STAG3: variants seen among roughly 807,000 people sequenced by gnomAD.
STAG3 encodes STAG3 cohesin complex component.
STAG3 carries 101 observed loss-of-function variants against 160.7 expected under a neutral mutation model. The observed-to-expected ratio is 0.63, with a 90% confidence interval of 0.54 to 0.74. The LOEUF is 0.74. STAG3 is among the 30% of genes least tolerant of loss of function. The pLI is 0.00. For missense variants in STAG3, 1,188 were observed against 1,517.4 expected (o/e 0.78, Z 3.61); for synonymous variants, 519 against 585.0 (o/e 0.89, Z 1.63).
At chr7:100,178,723 C>T (rs1464914346) in intron 1 of STAG3, among the ~76,000 whole-genome samples, 3 of 151,944 alleles carry the variant, frequency 2.0e-5, no homozygotes, top group African/African-American at 7.3e-5. Flanking sequence ...CTGTGCACCA[C>T]GCCTCGGCTT....
rs1180352090 is a variant in STAG3 at position 100,207,837 on chromosome 7, C to T, written c.3238+2453C>T. The stretch of plus-strand genomic sequence containing the variant: ...TTTCTTCTAAGAGTTATAGTTTTAG[C>T]CGGGCATGGTGGCTCACGCCTGTAA... On this transcript the variant is annotated intron_variant, in intron 29 of 33. Coordinates refer to ENST00000615138, the MANE Select transcript of STAG3 (RefSeq NM_001282717.2). The surrounding 1 kb of genome is among the most constrained non-coding windows in gnomAD (Gnocchi z 4.0). Among the ~76,000 whole-genome samples, 1 of 152,208 alleles carries T rather than the reference C, an allele frequency of 6.6e-6. No homozygotes were observed. Among genetic ancestry groups the T allele is most frequent in the African/African-American group, 2.4e-5 (1 of 41,452 alleles).
Position 100,180,566 on chromosome 7 carries a change from CCG to C in STAG3, c.11_12del (p.Pro4LeufsTer17). 2 of 1,606,656 alleles carry C rather than the reference CCG, an allele frequency of 1.2e-6. No homozygotes were observed. The highest frequency in any genetic ancestry group is 1.7e-6 in the Non-Finnish European group (2 of 1,173,110). On this transcript the variant is annotated frameshift_variant, in exon 2 of 34. Transcript: ENST00000615138. LOFTEE classifies it high-confidence loss of function. ...CTCCTCCTCTCCAAGCATGTCTTCC[CCG>C]TTGCAAAGAGCTGTGGGAGATACCA... MSSPLQRAVGDTKR... is the reference protein window; with the variant it reads MSSXLQRAVGDTKR...
At position 100,211,077 on chromosome 7, in the gene STAG3, T is replaced by TCCCC; in HGVS notation, c.3308_3309insCCCC (p.Thr1105AlafsTer87). 2.5e-6 allele frequency: 4 copies of TCCCC among 1,600,796 alleles called. No homozygotes were observed. The highest frequency in any genetic ancestry group is 2.6e-6 in the Non-Finnish European group (3 of 1,168,814). On this transcript the variant is annotated frameshift_variant, in exon 30 of 34. Transcript: ENST00000615138. LOFTEE classifies it high-confidence loss of function. ...GAAGAAAGTCTGCAGCTGAACAGCA[T>TCCCC]CCCGCCCACGCCCACCCTCACCTCC...
At chr7:100,191,446 T>C (rs1800339345) in intron 8 of STAG3, among the ~76,000 whole-genome samples, 1 of 152,206 alleles carries the variant, frequency 6.6e-6, no homozygotes, top group Non-Finnish European at 1.5e-5. Context: ...AAAGTGAATA[T>C]TGAAGTACAG....
chr7:100,202,572 T>C lies in STAG3; in HGVS notation c.2682T>C (p.Val894=). ...TGGAGATGGATGCAGCCTCAGATGT[T>C]TTCAAACACTACAACAAGGTACACC... The part of the protein sequence containing the change: ...GVLEMDAASD[V]FKHYNKFYND... The change falls in exon 25 of 34, where the codon GTT becomes GTC. Residue 894 remains valine (V), a synonymous_variant. Transcript: ENST00000615138. The C allele has an allele frequency of 6.2e-7, 1 of 1,613,758 alleles. No homozygotes were observed. Among genetic ancestry groups the C allele is most frequent in the Admixed American group, 1.7e-5 (1 of 60,002 alleles).
downstream of STAG3, among the ~76,000 whole-genome samples, chr7:100,217,846 T>A (rs1368436352): frequency 1.3e-5 from 2 of 151,886 alleles, no homozygotes; most frequent in African/African-American, 4.8e-5. Context: ...ATCTAGAAGG[T>A]GGAGCCAGGT....
chr7:100,202,271 A>G lies in STAG3; in HGVS notation c.2494A>G (p.Thr832Ala), dbSNP rs376655637. Residue 832 changes from threonine (T) to alanine (A), a missense_variant, in exon 24 of 34, where the codon ACT becomes GCT. Coordinates refer to ENST00000615138, the MANE Select transcript of STAG3 (RefSeq NM_001282717.2). ...GCCACTTGTCTTTTTTCCTGAAGCT[A>G]CTCTCCAGTCTGAGCTAGCCAGCTT... ...LRPLVFFPEA[T>A]LQSELASFLM... 6.2e-6 allele frequency: 10 copies of G among 1,613,766 alleles called. No homozygotes were observed. The highest frequency in any genetic ancestry group is 1.7e-5 in the Admixed American group (1 of 59,956).
chr7:100,204,558 G>T, intron 26 of STAG3, 69 bp from the exon 27 acceptor site: 1 of 1,563,026 alleles, frequency 6.4e-7, no homozygotes. Context: ...GTAGAGAAGA[G>T]AATGCTGGAC....
intron 4 of STAG3, among the ~76,000 whole-genome samples, 196 bp downstream of exon 4, chr7:100,183,035 A>G (rs1304483674): frequency 6.6e-6 from 1 of 150,450 alleles, no homozygotes; most frequent in Non-Finnish European, 1.5e-5. Context: ...TTTTTTTTAG[A>G]CAGAGTCTCT....
intron 29 of STAG3, among the ~76,000 whole-genome samples, chr7:100,208,925 A>T (rs1801912785): frequency 6.6e-5 from 10 of 152,164 alleles, no homozygotes. Context: ...TAAAAGATAC[A>T]CTTAGGCACA....
chr7:100,186,441 G>A (rs1310653868), intron 5 of STAG3, 145 bp downstream of exon 5: 6 of 743,646 alleles, frequency 8.1e-6, no homozygotes, highest in South Asian at 3.6e-5. Flanking sequence ...TATTTAGGCC[G>A]GGCACTGTGA....
At chr7:100,182,686 T>C (rs1799724606) in intron 3 of STAG3, 37 bp from the exon 4 acceptor site, 1 of 1,607,646 alleles carries the variant, frequency 6.2e-7, no homozygotes, top group East Asian at 2.2e-5. Context: ...CCTTTTTTGT[T>C]TTTTTTTCAT....
In STAG3 at chr7:100,202,485, G is replaced by C. The variant is rs752150126; in HGVS notation, c.2595G>C (p.Glu865Asp). The C allele has an allele frequency of 8.1e-6, 13 of 1,614,040 alleles. No homozygotes were observed. Among genetic ancestry groups the C allele is most frequent in the Non-Finnish European group, 1.1e-5 (13 of 1,180,032 alleles). ...CCCAGGAGGATCATTTACAGATAGA[G>C]CGGCTACACCAGCGGCGCCGCCTCC... ...GDSQEDHLQI[E>D]RLHQRRRLLA... The change falls in exon 25 of 34, where the codon GAG (glutamate) becomes GAC (aspartate). Residue 865 changes from glutamate (E) to aspartate (D), a missense_variant. By Grantham distance (45) the Glu-to-Asp change is conservative. Around this residue, in one of 4 missense-constraint regions of STAG3, gnomAD observed 647 missense variants for 717.2 expected, o/e 0.90. Coordinates refer to ENST00000615138, the MANE Select transcript of STAG3 (RefSeq NM_001282717.2).
chr7:100,190,464 T>G (rs1427616968), intron 8 of STAG3, among the ~76,000 whole-genome samples: 1 of 152,252 alleles, frequency 6.6e-6, no homozygotes, highest in Non-Finnish European at 1.5e-5. Context: ...TTTTGTTATT[T>G]TGCATTGTCA....
intron 14 of STAG3, 133 bp downstream of exon 14, chr7:100,199,090 G>T: frequency 2.1e-6 from 2 of 957,086 alleles, no homozygotes; most frequent in Non-Finnish European, 3.3e-6. Flanking sequence ...AGGAGTTTGA[G>T]ACCAGCCTGG....
intron 14 of STAG3, 111 bp downstream of exon 14, chr7:100,199,068 T>C (rs2117277986): frequency 9.4e-7 from 1 of 1,061,522 alleles, no homozygotes; most frequent in Non-Finnish European, 1.4e-6. Context: ...GGTGGGAGGA[T>C]CCTTTGAGCC....
intron 23 of STAG3, 22 bp from the exon 24 acceptor site, chr7:100,202,149 CA>C: frequency 6.2e-7 from 1 of 1,609,416 alleles, no homozygotes; most frequent in South Asian, 1.1e-5. Context: ...TCCTTTTAAA[CA>C]TCCTTTCTTT....
downstream of STAG3, chr7:100,215,260 C>A (rs1230796730): frequency 6.6e-6 from 1 of 152,208 alleles, no homozygotes; most frequent in Non-Finnish European, 1.5e-5. Flanking sequence ...AGCCATCCAG[C>A]TAGTGATGTG....
rs1459703510 is a variant in STAG3 at position 100,204,705 on chromosome 7, G to C, written c.2881G>C (p.Ala961Pro). 1 of 1,614,042 alleles carries C rather than the reference G, an allele frequency of 6.2e-7. No homozygotes were observed. The highest frequency in any genetic ancestry group is 8.5e-7 in the Non-Finnish European group (1 of 1,180,034). The part of the protein sequence containing the change: ...LPAFIEMRDL[A>P]RRFALSFGPQ... Reference sequence around the variant, plus strand: ...TGCCTTCATCGAGATGAGGGACCTGGCCCGGAGGTTTGCCTTGAGTTTTGG... The same window carrying C: ...TGCCTTCATCGAGATGAGGGACCTGCCCCGGAGGTTTGCCTTGAGTTTTGG... The change falls in exon 27 of 34, where the codon GCC (alanine) becomes CCC (proline). Residue 961 changes from alanine (A) to proline (P), a missense_variant. Ala to Pro is a conservative substitution (Grantham distance 27). This residue lies in a region of STAG3 where 647 missense variants were observed against 717.2 expected (regional missense o/e 0.90). Transcript: ENST00000615138.
Sources: gnomAD v4.1 joint callset for allele counts (sites outside exome capture counted in the v4.1 genomes callset) on GRCh38, gnomAD v4.1.1 for gene constraint, gnomAD v4.1.1 regional missense constraint, Gnocchi (gnomAD v3.1) non-coding constraint, MANE v1.5 for transcripts, NCBI Gene and HGNC (gene_info 2026-07-23, HGNC 2026-07-21) for gene names.